CDH13: variants seen among roughly 807,000 people sequenced by gnomAD.
CDH13 encodes the protein cadherin 13.
In CDH13, 24 loss-of-function variants were observed where a neutral mutation model predicts 63.8. The observed-to-expected ratio is 0.38, with a 90% CI of 0.27 to 0.53. CDH13 has a LOEUF of 0.53. Among genes scored for constraint, CDH13 ranks in the 20% least tolerant of loss-of-function variants. The pLI, the probability that CDH13 is intolerant of heterozygous loss-of-function variation, is 0.85. For synonymous variants in CDH13, 503 were observed against 355.3 expected, an observed-to-expected ratio of 1.42 and a Z score of -4.67; for missense variants, 1,049 against 903.1, an observed-to-expected ratio of 1.16 and a Z score of -2.07.
At chr16:82,838,429 C>G (rs2038863865) in intron 1 of CDH13, among the ~76,000 whole-genome samples, 1 of 152,098 alleles carries the variant, frequency 6.6e-6, no homozygotes, top group Admixed American at 6.6e-5. Context: ...TTCTGTGTCC[C>G]AAAGAACAAA....
intron 1 of CDH13, among the ~76,000 whole-genome samples, chr16:82,853,333 T>C (rs2039568973): frequency 6.6e-6 from 1 of 152,212 alleles, no homozygotes; most frequent in Non-Finnish European, 1.5e-5. Context: ...AGTAATAATA[T>C]GTTGGTAATA....
At chr16:82,755,602 A>T (rs2034583857) in intron 1 of CDH13, among the ~76,000 whole-genome samples, 1 of 152,172 alleles carries the variant, frequency 6.6e-6, no homozygotes, top group East Asian at 1.9e-4. Context: ...CTGGTCCATC[A>T]TCTGTTCATT....
intron 7 of CDH13, among the ~76,000 whole-genome samples, chr16:83,511,118 A>G (rs1013356456): frequency 3.3e-5 from 5 of 150,314 alleles, no homozygotes; most frequent in Non-Finnish European, 7.4e-5. Context: ...GCATGCACAC[A>G]CATGCACATG....
At chr16:83,222,026 C>T (rs1417422644) in intron 5 of CDH13, among the ~76,000 whole-genome samples, 2 of 152,124 alleles carry the variant, frequency 1.3e-5, no homozygotes, top group East Asian at 3.9e-4. Flanking sequence ...TGAACATTTA[C>T]AGTGTGCCAA....
chr16:82,648,984 A>G (rs1313321320), intron 1 of CDH13, among the ~76,000 whole-genome samples: 2 of 152,128 alleles, frequency 1.3e-5, no homozygotes, highest in Non-Finnish European at 2.9e-5. Context: ...TTGATCATGA[A>G]TGAGATGATG....
chr16:82,810,291 C>T (rs1018209389), intron 1 of CDH13, among the ~76,000 whole-genome samples: 2 of 152,106 alleles, frequency 1.3e-5, no homozygotes, highest in African/African-American at 4.8e-5. Context: ...TAGGCAGAAC[C>T]CGTCCTTTCT....
intron 2 of CDH13, among the ~76,000 whole-genome samples, chr16:83,004,898 C>G (rs546493036): frequency 3.3e-5 from 5 of 152,222 alleles, no homozygotes; most frequent in African/African-American, 1.2e-4. Context: ...GGAGATGGCA[C>G]TTGTCATCCC....
intron 1 of CDH13, among the ~76,000 whole-genome samples, chr16:82,667,785 A>G (rs181334224): frequency 1.3e-5 from 2 of 151,942 alleles, no homozygotes; most frequent in Non-Finnish European, 2.9e-5. Flanking sequence ...CTTGCTTTCT[A>G]TGTCCTGAGC....
At chr16:83,249,856 C>G (rs1905318866) in intron 5 of CDH13, among the ~76,000 whole-genome samples, 5 of 152,144 alleles carry the variant, frequency 3.3e-5, no homozygotes, top group Admixed American at 6.6e-5. Flanking sequence ...ATAAGACAGG[C>G]CCAGTTTTCT....
chr16:83,752,594 C>G (rs1913174406), intron 11 of CDH13, among the ~76,000 whole-genome samples: 1 of 152,180 alleles, frequency 6.6e-6, no homozygotes, highest in South Asian at 2.1e-4. Context: ...TAGTCAGGAC[C>G]TAATGATACC....
At chr16:83,122,994 TGTTGAGCTCCCACCAAAAA>T (rs1460696476) in intron 3 of CDH13, among the ~76,000 whole-genome samples, 1 of 152,158 alleles carries the variant, frequency 6.6e-6, no homozygotes. Context: ...AAGTACCCAT[TGTTGAGCTCCCACCAAAAA>T]GTGAAAATAT....
rs1483622790 is a variant in CDH13, at chr16:83,047,512, A to G, written c.366+15294A>G. Among the ~76,000 whole-genome samples the G allele has an allele frequency of 6.6e-6, 1 of 152,154 alleles. No homozygotes were observed. The highest frequency in any genetic ancestry group is 1.5e-5 in the Non-Finnish European group (1 of 68,048). On this transcript the variant is annotated intron_variant, in intron 3 of 13. Coordinates refer to ENST00000567109, the MANE Select transcript of CDH13 (RefSeq NM_001257.5). The surrounding 1 kb of genome is among the most constrained non-coding windows in gnomAD (Gnocchi z 4.9). ...GGCCTTTGCGTAATATTTTCTCTGC[A>G]TGGAAGGGGAGGATAAGAAAGAAGA...
chr16:82,756,319 G>C (rs981250818), intron 1 of CDH13, among the ~76,000 whole-genome samples: 2 of 152,064 alleles, frequency 1.3e-5, no homozygotes, highest in African/African-American at 4.8e-5. Context: ...TTCTGATAGG[G>C]AAAGAAGTCA....
At chr16:83,402,628 T>C (rs969409267) in intron 6 of CDH13, among the ~76,000 whole-genome samples, 5 of 152,228 alleles carry the variant, frequency 3.3e-5, no homozygotes, top group Admixed American at 1.3e-4. Context: ...ACTGTTCTCA[T>C]TGATAAATCG....
At chr16:83,660,004 C>G (rs1202015966) in intron 8 of CDH13, among the ~76,000 whole-genome samples, 1 of 151,930 alleles carries the variant, frequency 6.6e-6, no homozygotes, top group African/African-American at 2.4e-5. Context: ...TCAGGCTGGC[C>G]TCGAACTCCT....
intron 10 of CDH13, among the ~76,000 whole-genome samples, chr16:83,719,835 GT>G (rs1035965370): frequency 1.3e-5 from 2 of 152,124 alleles, no homozygotes; most frequent in Non-Finnish European, 2.9e-5. Flanking sequence ...ATCAGCGTCA[GT>G]TGGCCCCACT....
chr16:83,667,423 T>A (rs1332305398), intron 8 of CDH13, among the ~76,000 whole-genome samples: 1 of 151,832 alleles, frequency 6.6e-6, no homozygotes, highest in Non-Finnish European at 1.5e-5. Flanking sequence ...TACCCATCCA[T>A]CCATCCACCA....
chr16:82,798,045 G>A (rs1223960188), intron 1 of CDH13, among the ~76,000 whole-genome samples: 1 of 152,172 alleles, frequency 6.6e-6, no homozygotes, highest in African/African-American at 2.4e-5. Flanking sequence ...ACCCCAGGTT[G>A]CTCTGGGGTG....
chr16:83,332,916 A>G (rs1350531671), intron 5 of CDH13, among the ~76,000 whole-genome samples: 1 of 152,260 alleles, frequency 6.6e-6, no homozygotes, highest in Non-Finnish European at 1.5e-5. Flanking sequence ...TTGATGAAAC[A>G]AAAATTTTAA....
Sources: allele counts gnomAD v4.1 joint callset (sites outside exome capture counted in the v4.1 genomes callset), GRCh38; gene constraint gnomAD v4.1.1; non-coding constraint Gnocchi (gnomAD v3.1); transcripts MANE v1.5; gene names NCBI Gene and HGNC (gene_info 2026-07-23, HGNC 2026-07-21).